Variants in PCDH15 observed in about 807,000 individuals in gnomAD.
PCDH15 encodes protocadherin-15.
In PCDH15, 129 loss-of-function variants were observed where a neutral mutation model predicts 178.5. The observed-to-expected ratio is 0.72, with a 90% confidence interval of 0.63 to 0.84. The LOEUF is 0.84. PCDH15 is among the 40% of genes least tolerant of loss of function. The probability of loss-of-function intolerance (pLI) is 0.00; values close to 1 mark genes in which losing one functional copy is unlikely to be tolerated. For missense variants in PCDH15, 2,230 were observed against 2,099.9 expected (o/e 1.06, Z -1.21); for synonymous variants, 800 against 732.0 (o/e 1.09, Z -1.50).
intron 2 of PCDH15, among the ~76,000 whole-genome samples, chr10:54,968,324 G>A (rs190402968): frequency 6.6e-6 from 1 of 152,008 alleles, no homozygotes; most frequent in Admixed American, 6.6e-5. Context: ...AACAGATGTT[G>A]TTTCATTATT....
Position 54,439,101 on chromosome 10 carries a change from ATATATG to A in PCDH15, c.158-60165_158-60160del, listed in dbSNP as rs375453617. The stretch of plus-strand genomic sequence containing the variant: ...CATAAGGAAATTCTGTATCCATTCT[ATATATG>A]TATAAATTATATATAGAAAAATAGT... On this transcript the variant is annotated intron_variant, in intron 3 of 37. Coordinates refer to ENST00000644397, the MANE Select transcript of PCDH15 (RefSeq NM_001384140.1). 5.3e-3 allele frequency among the ~76,000 whole-genome samples: 798 copies of A among 151,050 alleles called. 11 individuals carry two copies. The highest frequency in any genetic ancestry group is 0.05 in the South Asian group (243 of 4,814).
At chr10:54,115,496 A>G (rs939234883) in intron 15 of PCDH15, among the ~76,000 whole-genome samples, 1 of 152,210 alleles carries the variant, frequency 6.6e-6, no homozygotes, top group Non-Finnish European at 1.5e-5. Context: ...TATTCAGAGA[A>G]TGCCTCATCT....
chr10:53,992,177 G>C (rs1589805513), intron 21 of PCDH15, among the ~76,000 whole-genome samples: 1 of 152,128 alleles, frequency 6.6e-6, no homozygotes, highest in Non-Finnish European at 1.5e-5. Flanking sequence ...TGCCTTAAGA[G>C]CTGTAACACT....
chr10:55,118,162 C>T (rs966188102), intron 2 of PCDH15, among the ~76,000 whole-genome samples: 1 of 152,112 alleles, frequency 6.6e-6, no homozygotes, highest in Non-Finnish European at 1.5e-5. Context: ...CTCATATAGA[C>T]AAATATTATC....
intron 2 of PCDH15, among the ~76,000 whole-genome samples, chr10:55,047,407 T>A: frequency 0.017 from 1 of 58 alleles, no homozygotes; most frequent in East Asian, 0.17. Context: ...ATGTAAAGAC[T>A]TCAATCTCAT....
chr10:54,912,089 T>C (rs889536700), intron 2 of PCDH15, among the ~76,000 whole-genome samples: 1 of 152,148 alleles, frequency 6.6e-6, no homozygotes, highest in Non-Finnish European at 1.5e-5. Context: ...CTTACATTTT[T>C]ATTCTAGACT....
At chr10:55,234,688 G>A (rs562017845) in intron 1 of PCDH15, among the ~76,000 whole-genome samples, 1 of 152,008 alleles carries the variant, frequency 6.6e-6, no homozygotes, top group East Asian at 1.9e-4. Context: ...GCCAAGATTT[G>A]TTATTTCTAT....
intron 2 of PCDH15, among the ~76,000 whole-genome samples, chr10:54,544,590 T>C (rs2085639883): frequency 6.6e-6 from 1 of 152,188 alleles, no homozygotes; most frequent in Non-Finnish European, 1.5e-5. Context: ...TAATTGTGTT[T>C]GCATATATCA....
intron 14 of PCDH15, among the ~76,000 whole-genome samples, chr10:54,138,359 C>A (rs1455627074): frequency 6.6e-6 from 1 of 151,984 alleles, no homozygotes; most frequent in Non-Finnish European, 1.5e-5. Flanking sequence ...TGGTCAAGCC[C>A]AACCAGTAGA....
chr10:54,324,611 C>CA (rs1240031611), intron 7 of PCDH15, among the ~76,000 whole-genome samples: 1 of 151,612 alleles, frequency 6.6e-6, no homozygotes, highest in African/African-American at 2.4e-5. Context: ...ACTAAAAATA[C>CA]AAAAAATTAG....
chr10:55,022,376 C>T (rs886774966), intron 2 of PCDH15, among the ~76,000 whole-genome samples: 1 of 144,746 alleles, frequency 6.9e-6, no homozygotes, highest in Admixed American at 7.2e-5. Context: ...CACTTGAATC[C>T]GGGAGCCGGA....
intron 3 of PCDH15, among the ~76,000 whole-genome samples, chr10:54,887,695 C>T (rs1211724738): frequency 1.3e-5 from 2 of 151,948 alleles, no homozygotes; most frequent in Non-Finnish European, 2.9e-5. Context: ...TGAATATTCA[C>T]AATGCTTACC....
intron 2 of PCDH15, among the ~76,000 whole-genome samples, chr10:55,428,424 C>T (rs745433015): frequency 6.6e-6 from 1 of 151,782 alleles, no homozygotes; most frequent in African/African-American, 2.4e-5. Context: ...ATTTTTGTAA[C>T]AGAATTGGTT....
intron 37 of PCDH15, chr10:53,808,784 C>A (rs1385373282): frequency 2.5e-6 from 4 of 1,612,018 alleles, no homozygotes; most frequent in Non-Finnish European, 3.4e-6. Flanking sequence ...ACCTGATAGC[C>A]CCATGGACCT....
intron 8 of PCDH15, among the ~76,000 whole-genome samples, chr10:54,243,404 G>A (rs564352002): frequency 3.9e-5 from 6 of 152,254 alleles, no homozygotes; most frequent in African/African-American, 1.4e-4. Context: ...CTACTAGGGA[G>A]GCATAGGCAG....
intron 2 of PCDH15, among the ~76,000 whole-genome samples, chr10:55,011,257 T>C (rs1332797209): frequency 2.0e-5 from 3 of 152,072 alleles, no homozygotes; most frequent in Non-Finnish European, 2.9e-5. Context: ...CCAGAAAATA[T>C]ATAATTGAGA....
chr10:55,416,700 T>A (rs548890454), intron 2 of PCDH15, among the ~76,000 whole-genome samples: 1 of 151,928 alleles, frequency 6.6e-6, no homozygotes, highest in Non-Finnish European at 1.5e-5. Flanking sequence ...GCTTTGCTGC[T>A]GGGTTAAAGT....
rs565841632 is a variant in PCDH15 at position 55,069,644 on chromosome 10, A to G, written c.-80+96932T>C. 1.9e-3 allele frequency among the ~76,000 whole-genome samples: 272 copies of G among 143,808 alleles called. 1 individual carries two copies. The highest frequency in any genetic ancestry group is 3.0e-3 in the Non-Finnish European group (195 of 65,668). The allele number at this position is 143,808 out of a possible 152,430, so 94.3% of individuals were successfully genotyped here. On this transcript the variant is annotated intron_variant, in intron 2 of 5. Coordinates refer to the PCDH15 transcript ENST00000458638. ...ATGGCTGCATAGTATTCCATGGTGTATATGTGCCACATTTTCTTAATCCAG... is the reference window on the plus strand; with the variant it reads ...ATGGCTGCATAGTATTCCATGGTGTGTATGTGCCACATTTTCTTAATCCAG...
At chr10:54,168,258 T>C (rs1248363835) in intron 13 of PCDH15, among the ~76,000 whole-genome samples, 1 of 152,172 alleles carries the variant, frequency 6.6e-6, no homozygotes, top group African/African-American at 2.4e-5. Flanking sequence ...GTGCCTGACG[T>C]CCAGGCATTC....
Sources: allele counts gnomAD v4.1 joint callset (sites outside exome capture counted in the v4.1 genomes callset), GRCh38; gene constraint gnomAD v4.1.1; transcripts MANE v1.5; gene names NCBI Gene and HGNC (gene_info 2026-07-23, HGNC 2026-07-21).